The following SLC24A3 variants were observed in gnomAD, a reference collection of about 807,000 sequenced individuals.
SLC24A3 encodes solute carrier family 24 member 3.
In SLC24A3, 28 loss-of-function variants were observed where a neutral mutation model predicts 75.8. That is an observed-to-expected ratio of 0.37 (90% CI 0.27 to 0.51). The LOEUF (loss-of-function observed/expected upper bound fraction) is 0.51. Ranked by LOEUF, SLC24A3 falls within the 20% of genes least tolerant of loss-of-function variation. SLC24A3 has a pLI of 0.94. For missense variants in SLC24A3, 663 were observed against 847.8 expected (o/e 0.78, Z 2.71); for synonymous variants, 372 against 334.1 (o/e 1.11, Z -1.24).
At chr20:19,433,948 T>C (rs6046094) in intron 2 of SLC24A3, among the ~76,000 whole-genome samples, 4,173 of 152,280 alleles carry the variant, frequency 0.027, 168 homozygotes, top group East Asian at 0.1. Context: ...AGGAGATGGT[T>C]GGGTGTGAGC....
intron 3 of SLC24A3, among the ~76,000 whole-genome samples, chr20:19,568,089 C>A (rs2030989593): frequency 6.6e-6 from 1 of 152,114 alleles, no homozygotes; most frequent in Non-Finnish European, 1.5e-5. Flanking sequence ...AGTAAGATAC[C>A]ACTTCACACC....
chr20:19,416,693 A>C lies in SLC24A3; in HGVS notation c.272-98795A>C, dbSNP rs6136719. The stretch of plus-strand genomic sequence containing the variant: ...GTTCACTACAGAGAGCCTGTAACTT[A>C]AATAGGAGAGTTGAGTAGGAATTTT... On this transcript the variant is annotated intron_variant, in intron 2 of 16. Transcript: ENST00000328041. Among the ~76,000 whole-genome samples the C allele has an allele frequency of 0.029, 4,399 of 152,292 alleles. 409 individuals are homozygous for C. In the East Asian group the frequency reaches 0.38, roughly 13 times the overall value.
chr20:19,692,979 C>T (rs1355738519), intron 12 of SLC24A3, among the ~76,000 whole-genome samples: 1 of 152,082 alleles, frequency 6.6e-6, no homozygotes, highest in African/African-American at 2.4e-5. Flanking sequence ...CCAAACCATC[C>T]CCCTAGCCTG....
At chr20:19,386,426 C>T (rs1568605392) in intron 2 of SLC24A3, among the ~76,000 whole-genome samples, 1 of 152,128 alleles carries the variant, frequency 6.6e-6, no homozygotes, top group Non-Finnish European at 1.5e-5. Flanking sequence ...TATCTGGTTG[C>T]TCTAGCTAGA....
Position 19,693,375 on chromosome 20 carries a change from G to T in SLC24A3, c.1441G>T (p.Ala481Ser). ...GGAGAAATGGTTCATGGTGACGTTT[G>T]CTTCCTCCACGCTGTGGATCGCAGC... Reference protein sequence around the residue: ...RWEKWFMVTFASSTLWIAAFS... With the variant: ...RWEKWFMVTFSSSTLWIAAFS... Residue 481 changes from alanine (A) to serine (S), a missense_variant, in exon 13 of 17, where the codon GCT becomes TCT. Physicochemically the swap from Ala to Ser is moderately conservative, Grantham distance 99. Coordinates refer to ENST00000328041, the MANE Select transcript of SLC24A3 (RefSeq NM_020689.4). 4 of 1,614,146 alleles carry T rather than the reference G, an allele frequency of 2.5e-6. No individual in the cohort carries two copies. Among genetic ancestry groups the T allele is most frequent in the Non-Finnish European group, 3.4e-6 (4 of 1,180,028 alleles).
At position 19,265,554 on chromosome 20, in the gene SLC24A3, A is replaced by C. The variant is rs78522969; in HGVS notation, c.143-15405A>C. 7.3e-3 allele frequency among the ~76,000 whole-genome samples: 1,118 copies of C among 152,330 alleles called. 17 individuals are homozygous for C. Among genetic ancestry groups the C allele is most frequent in the African/African-American group, 0.026 (1,076 of 41,574 alleles). On this transcript the variant is annotated intron_variant, in intron 1 of 16. Coordinates refer to ENST00000328041, the MANE Select transcript of SLC24A3 (RefSeq NM_020689.4). ...TAAAAAGTAGAAGCATGTATCAGCT[A>C]TGAGCTTCTCAGGTGCTCTTAGAAA... is the stretch of plus-strand genomic sequence containing the variant.
intron 15 of SLC24A3, among the ~76,000 whole-genome samples, chr20:19,701,204 GAAT>G (rs2032868160): frequency 6.6e-6 from 1 of 151,998 alleles, no homozygotes; most frequent in South Asian, 2.1e-4. Context: ...GAATAAATGG[GAAT>G]CCATGTTTAG....
intron 3 of SLC24A3, among the ~76,000 whole-genome samples, chr20:19,573,037 A>G (rs946069953): frequency 6.6e-6 from 1 of 152,196 alleles, no homozygotes; most frequent in Non-Finnish European, 1.5e-5. Context: ...CCAAGGCCAC[A>G]GTTCTGTAGC....
At position 19,449,251 on chromosome 20, in the gene SLC24A3, C is replaced by T. The variant is rs116603959; in HGVS notation, c.272-66237C>T. Reference sequence around the variant, plus strand: ...CTGAGGGCCAGCTCCCCTGCATTCCCAGGGACTGAGCAGCTTTGCGAGGCT... The same window carrying T: ...CTGAGGGCCAGCTCCCCTGCATTCCTAGGGACTGAGCAGCTTTGCGAGGCT... On this transcript the variant is annotated intron_variant, in intron 2 of 16. Coordinates refer to ENST00000328041, the MANE Select transcript of SLC24A3 (RefSeq NM_020689.4). 6.2e-3 allele frequency among the ~76,000 whole-genome samples: 937 copies of T among 152,320 alleles called. 10 individuals are homozygous for T. The highest frequency in any genetic ancestry group is 0.021 in the African/African-American group (884 of 41,562).
chr20:19,659,828 CT>C (rs1232452498), intron 7 of SLC24A3, among the ~76,000 whole-genome samples: 2 of 152,228 alleles, frequency 1.3e-5, no homozygotes, highest in African/African-American at 4.8e-5. Context: ...CCCACTCCCC[CT>C]GTTAGAGACG....
chr20:19,644,659 G>A (rs1974483868), intron 6 of SLC24A3, among the ~76,000 whole-genome samples: 1 of 152,138 alleles, frequency 6.6e-6, no homozygotes, highest in African/African-American at 2.4e-5. Context: ...TAAACAAATA[G>A]CACTCTTAAT....
At chr20:19,534,264 C>T (rs562413999) in intron 3 of SLC24A3, among the ~76,000 whole-genome samples, 2 of 152,356 alleles carry the variant, frequency 1.3e-5, no homozygotes, top group South Asian at 2.1e-4. Flanking sequence ...GTTTTATATC[C>T]TGCCTACCTG....
chr20:19,411,859 AT>A (rs1986748818), intron 2 of SLC24A3, among the ~76,000 whole-genome samples: 1 of 152,126 alleles, frequency 6.6e-6, no homozygotes, highest in Admixed American at 6.6e-5. Flanking sequence ...ATAGTTGACA[AT>A]TTTTTTGTAC....
chr20:19,404,389 C>G (rs1986605178), intron 2 of SLC24A3, among the ~76,000 whole-genome samples: 2 of 152,120 alleles, frequency 1.3e-5, no homozygotes, highest in South Asian at 4.1e-4. Context: ...ACTCCCTTAC[C>G]CACTTGTCAT....
At chr20:19,258,677 G>C (rs893321837) in intron 1 of SLC24A3, among the ~76,000 whole-genome samples, 1 of 152,000 alleles carries the variant, frequency 6.6e-6, no homozygotes, top group African/African-American at 2.4e-5. Context: ...ACTCCAGCCT[G>C]GGTGACAGAG....
rs187970580 is a variant in SLC24A3 at position 19,456,747 on chromosome 20, G to T, written c.272-58741G>T. 5.8e-4 allele frequency among the ~76,000 whole-genome samples: 88 copies of T among 152,312 alleles called. No homozygotes were observed. In the East Asian group the frequency reaches 0.013, roughly 23 times the overall value. ...ATGAATCCCAAACCCTAGTCATTGG[G>T]CAAGACAGGCTAACAGGGCAAGGAA... On this transcript the variant is annotated intron_variant, in intron 2 of 16. Transcript: ENST00000328041.
At chr20:19,244,399 A>T (rs1982424045) in intron 1 of SLC24A3, 1 of 152,280 alleles carries the variant, frequency 6.6e-6, no homozygotes, top group Admixed American at 6.5e-5. Context: ...GGGGAGCTGG[A>T]CATTAGCCTC....
chr20:19,509,320 A>G (rs1226542790), intron 2 of SLC24A3, among the ~76,000 whole-genome samples: 1 of 152,228 alleles, frequency 6.6e-6, no homozygotes, highest in East Asian at 1.9e-4. Context: ...CAAGCCTTAA[A>G]AAATGCGCTG....
chr20:19,534,485 A>G (rs920220589), intron 3 of SLC24A3, among the ~76,000 whole-genome samples: 1 of 147,678 alleles, frequency 6.8e-6, no homozygotes. Context: ...ATCTTGGCTC[A>G]CTGCAACCTC....
Sources: allele counts gnomAD v4.1 joint callset (sites outside exome capture counted in the v4.1 genomes callset), GRCh38; gene constraint gnomAD v4.1.1; transcripts MANE v1.5; gene names NCBI Gene and HGNC (gene_info 2026-07-23, HGNC 2026-07-21).